CRYBG3: variants seen among roughly 807,000 people sequenced by gnomAD.
CRYBG3 encodes crystallin beta-gamma domain containing 3, also known as very large A-kinase anchor protein.
Under a neutral mutation model 244.2 loss-of-function variants are expected in CRYBG3, and 127 were observed. The ratio of observed to expected loss-of-function variants is 0.52; its 90% CI spans 0.45 to 0.60. The LOEUF (loss-of-function observed/expected upper bound fraction) is 0.60, where lower values mean the gene tolerates loss of function less well. Ranked by LOEUF, CRYBG3 falls within the 20% of genes least tolerant of loss-of-function variation. The pLI is 0.00. For synonymous variants in CRYBG3, 1,132 were observed against 1,195.8 expected, an observed-to-expected ratio of 0.95 and a Z score of 1.10; for missense variants, 3,325 against 3,442.5, an observed-to-expected ratio of 0.97 and a Z score of 0.85.
chr3:97,852,542 A>C (rs1467294909), intron 2 of CRYBG3, among the ~76,000 whole-genome samples: 1 of 152,180 alleles, frequency 6.6e-6, no homozygotes, highest in Non-Finnish European at 1.5e-5. Context: ...TAACGAGGTT[A>C]GTAATGAGGA....
chr3:97,873,989 C>T lies in CRYBG3; in HGVS notation c.2795C>T (p.Pro932Leu), dbSNP rs933696299. Residue 932 changes from proline to leucine, a missense_variant, in exon 4 of 22, where the codon CCT becomes CTT. Physicochemically the swap from Pro to Leu is moderately conservative, Grantham distance 98 (BLOSUM62 -3). Transcript: ENST00000389622. ...PEPEVDALGS[P>L]PALLKSNISW... ...CCAGAGGTAGATGCCTTAGGCTCTC[C>T]TCCTGCTCTTCTTAAAAGTAATATA... is the stretch of plus-strand genomic sequence containing the variant. The T allele has an allele frequency of 2.3e-5, 35 of 1,534,404 alleles. No individual in the cohort carries two copies. The African/African-American group carries it at 4.1e-4, about 18-fold the overall frequency.
At chr3:97,851,664 A>G (rs931262455) in intron 2 of CRYBG3, among the ~76,000 whole-genome samples, 10 of 152,212 alleles carry the variant, frequency 6.6e-5, no homozygotes, top group African/African-American at 2.4e-4. Flanking sequence ...GCATGTGAAG[A>G]CAGTAGGCAT....
chr3:97,910,715 C>A (rs2039861472), intron 15 of CRYBG3, among the ~76,000 whole-genome samples: 2 of 152,240 alleles, frequency 1.3e-5, no homozygotes, highest in African/African-American at 4.8e-5. Flanking sequence ...TTCTGCGTCA[C>A]TCACGCTGGG....
chr3:97,910,753 G>C (rs150187206), intron 15 of CRYBG3, among the ~76,000 whole-genome samples: 19 of 152,156 alleles, frequency 1.2e-4, no homozygotes, highest in Non-Finnish European at 1.9e-4. Context: ...GTTCCTATTC[G>C]GCCATCTTGG....
intron 17 of CRYBG3, among the ~76,000 whole-genome samples, chr3:97,919,957 A>T (rs1188623395): frequency 1.3e-5 from 2 of 151,970 alleles, no homozygotes; most frequent in African/African-American, 4.8e-5. Context: ...TTTGGTTGAG[A>T]TGGGGTTTCA....
At chr3:97,825,947 G>T (rs958675649) in intron 1 of CRYBG3, among the ~76,000 whole-genome samples, 4 of 152,154 alleles carry the variant, frequency 2.6e-5, no homozygotes, top group Non-Finnish European at 5.9e-5. Flanking sequence ...TTGTCATGAT[G>T]ATTGCATTTT....
At position 97,873,467 on chromosome 3, in the gene CRYBG3, T is replaced by A; in HGVS notation, c.2273T>A (p.Leu758Ter). The change falls in exon 4 of 22, where the codon TTG becomes TAG. Residue 758 changes from leucine to a stop codon, truncating the protein, a stop_gained. Transcript: ENST00000389622. LOFTEE classifies it high-confidence loss of function. ...SEASGPHLTGLELLSFDSGNL... is the reference protein window; with the variant it reads ...SEASGPHLTG ...GCCAGTGGCCCTCACTTAACTGGGT[T>A]GGAGCTATTGAGCTTTGACTCTGGA... The A allele has an allele frequency of 1.3e-6, 2 of 1,535,882 alleles. No individual in the cohort carries two copies. Among genetic ancestry groups the A allele is most frequent in the South Asian group, 1.2e-5 (1 of 84,026 alleles).
chr3:97,863,018 G>C (rs751755073), intron 2 of CRYBG3, among the ~76,000 whole-genome samples: 1 of 152,022 alleles, frequency 6.6e-6, no homozygotes, highest in Admixed American at 6.6e-5. Context: ...TTTGAACTTA[G>C]ATCAAAACAT....
At chr3:97,929,713 A>G (rs1198848902) in intron 17 of CRYBG3, among the ~76,000 whole-genome samples, 1 of 151,972 alleles carries the variant, frequency 6.6e-6, no homozygotes. Context: ...GGTTAATGCT[A>G]TTGGCTTACC....
At chr3:97,908,243 T>A (rs2039802337) in intron 15 of CRYBG3, among the ~76,000 whole-genome samples, 1 of 152,160 alleles carries the variant, frequency 6.6e-6, no homozygotes, top group Non-Finnish European at 1.5e-5. Context: ...GGTGGAGAGT[T>A]CTGTAGATGT....
At position 97,874,754 on chromosome 3, in the gene CRYBG3, A is replaced by C; in HGVS notation, c.3560A>C (p.Asp1187Ala). ...EHIEARRRAH[D>A]QLLDLKSSLL... ...ATAGAAGCCAGGAGAAGAGCACATG[A>C]CCAACTTTTGGACCTCAAAAGTAGT... Residue 1187 changes from aspartate (D) to alanine (A), a missense_variant, in exon 4 of 22, where the codon GAC becomes GCC. Around this residue, in one of 4 missense-constraint regions of CRYBG3, gnomAD observed 1,526 missense variants for 1,443.2 expected, o/e 1.06. Transcript: ENST00000389622. 1 of 1,535,994 alleles carries C rather than the reference A, an allele frequency of 6.5e-7. No individual in the cohort carries two copies. The highest frequency in any genetic ancestry group is 8.7e-7 in the Non-Finnish European group (1 of 1,146,844).
At chr3:97,861,994 C>T (rs983033750) in intron 2 of CRYBG3, among the ~76,000 whole-genome samples, 2 of 151,674 alleles carry the variant, frequency 1.3e-5, no homozygotes, top group African/African-American at 4.8e-5. Context: ...AATTAAGCAA[C>T]TAAAACATTT....
chr3:97,888,477 C>A, intron 9 of CRYBG3, 22 bp downstream of exon 9: 2 of 1,457,358 alleles, frequency 1.4e-6, no homozygotes, highest in South Asian at 1.1e-5. Flanking sequence ...TAAAAAGAAG[C>A]ATTCCTTTTC....
intron 8 of CRYBG3, 146 bp from the exon 9 acceptor site, chr3:97,888,195 A>G: frequency 1.7e-6 from 1 of 591,232 alleles, no homozygotes; most frequent in African/African-American, 1.9e-5. Context: ...TCGTTATATA[A>G]TGTCTGGCTC....
intron 17 of CRYBG3, chr3:97,924,285 A>T (rs2040015798): frequency 2.8e-6 from 1 of 360,860 alleles, no homozygotes; most frequent in Admixed American, 4.1e-5. Context: ...TTCCAGATGG[A>T]TTAATAACAA....
chr3:97,861,773 A>G (rs2039153831), intron 2 of CRYBG3, among the ~76,000 whole-genome samples: 1 of 152,134 alleles, frequency 6.6e-6, no homozygotes, highest in African/African-American at 2.4e-5. Flanking sequence ...GCCTGTAGGT[A>G]GGCTGAACTT....
chr3:97,896,013 A>G lies in CRYBG3; in HGVS notation c.7629A>G (p.Glu2543=). The G allele has an allele frequency of 6.2e-7, 1 of 1,613,668 alleles. No individual in the cohort carries two copies. Among genetic ancestry groups the G allele is most frequent in the Non-Finnish European group, 8.5e-7 (1 of 1,179,722 alleles). The stretch of plus-strand genomic sequence containing the variant: ...AAGGCCAGCAGTTTCTGCTTGAAGA[A>G]GGAGACTTTGAAGACAGTAATGCTT... The part of the protein sequence containing the change: ...HFKGQQFLLE[E]GDFEDSNACG... The change falls in exon 12 of 22, where the codon GAA becomes GAG. Residue 2543 remains glutamate, a synonymous_variant. Coordinates refer to ENST00000389622, the MANE Select transcript of CRYBG3 (RefSeq NM_153605.4).
chr3:97,900,576 C>T (rs1553707217), intron 15 of CRYBG3, 91 bp downstream of exon 15: 3 of 796,068 alleles, frequency 3.8e-6, no homozygotes, highest in Admixed American at 4.7e-5. Context: ...CTGCAGATAA[C>T]TTTTATGTGT....
chr3:97,941,584 C>G (rs2040232117), intron 20 of CRYBG3, among the ~76,000 whole-genome samples: 1 of 151,796 alleles, frequency 6.6e-6, no homozygotes, highest in African/African-American at 2.4e-5. Flanking sequence ...TATAAGTCAC[C>G]AGATCTAAGT....
Sources: allele counts gnomAD v4.1 joint callset (sites outside exome capture counted in the v4.1 genomes callset), GRCh38; gene constraint gnomAD v4.1.1; regional missense constraint gnomAD v4.1.1; transcripts MANE v1.5; gene names NCBI Gene and HGNC (gene_info 2026-07-23, HGNC 2026-07-21).